Variants in LIPJ observed in about 807,000 individuals in gnomAD.
LIPJ encodes lipase member J.
A neutral mutation model predicts 39.8 loss-of-function variants in LIPJ; 33 were observed. The observed-to-expected ratio is 0.83, with a 90% CI of 0.63 to 1.11. The LOEUF (loss-of-function observed/expected upper bound fraction) is 1.11. Among genes scored for constraint, LIPJ ranks in the 50% least tolerant of loss-of-function variants. The pLI is 0.00. For synonymous variants in LIPJ, 128 were observed against 139.2 expected (o/e 0.92, Z 0.57); for missense variants, 422 against 427.9 (o/e 0.99, Z 0.12).
the LIPJ span, among the ~76,000 whole-genome samples, chr10:88,617,944 A>G: frequency 1.3e-5 from 2 of 152,210 alleles, no homozygotes; most frequent in African/African-American, 4.8e-5. Context: ...TCAATGGACT[A>G]TTGCTAACTC....
At position 88,596,265 on chromosome 10, in the gene LIPJ, C is replaced by A; in HGVS notation, c.440-15C>A. On this transcript the variant is annotated splice_polypyrimidine_tract_variant and intron_variant, in intron 6 of 10. Transcript: ENST00000371939. ...TTAAGAATAGCTTACTAATTTATAT[C>A]TTATTTTATTTTAGGTTTCATAACA... The A allele has an allele frequency of 7.6e-7, 1 of 1,310,436 alleles. No individual in the cohort carries two copies. The highest frequency in any genetic ancestry group is 1.0e-6 in the Non-Finnish European group (1 of 996,058). The allele number at this position is 1,310,436 out of a possible 1,614,324, so 81.2% of individuals were successfully genotyped here.
intron 4 of LIPJ, chr10:88,592,018 T>C (rs1372049453): frequency 6.6e-6 from 1 of 151,944 alleles, no homozygotes; most frequent in Non-Finnish European, 1.5e-5. Flanking sequence ...TGCCACTTAC[T>C]AGTAGAATAT....
chr10:88,593,925 C>A, intron 4 of LIPJ, 21 bp from the exon 5 acceptor site: 2 of 1,582,988 alleles, frequency 1.3e-6, no homozygotes, highest in Non-Finnish European at 8.6e-7. Flanking sequence ...TTATAAAGAA[C>A]TTTCTACATT....
chr10:88,583,368 C>G, upstream of LIPJ: 1 of 1,394,866 alleles, frequency 7.2e-7, no homozygotes, highest in Non-Finnish European at 9.3e-7. Flanking sequence ...GCGGCCGGAG[C>G]TGAGAGGCCC....
At chr10:88,617,909 T>A in the LIPJ span, among the ~76,000 whole-genome samples, 2 of 152,230 alleles carry the variant, frequency 1.3e-5, no homozygotes, top group African/African-American at 4.8e-5. Flanking sequence ...AAATGAAAGC[T>A]ACTTTGGAAT....
chr10:88,602,265 T>C (rs1851511209), intron 8 of LIPJ, among the ~76,000 whole-genome samples: 1 of 152,156 alleles, frequency 6.6e-6, no homozygotes, highest in African/African-American at 2.4e-5. Context: ...TCTTGTTAGT[T>C]CTTTAATGCT....
downstream of LIPJ, among the ~76,000 whole-genome samples, chr10:88,609,857 C>CCA (rs1236445350): frequency 6.7e-6 from 1 of 148,426 alleles, no homozygotes; most frequent in Non-Finnish European, 1.5e-5. Context: ...CGAGATCATG[C>CCA]CACTGCACTC....
chr10:88,613,800 A>ATATATATATGTG, the LIPJ span, among the ~76,000 whole-genome samples: 136 of 74,146 alleles, frequency 1.8e-3, 3 homozygotes, highest in East Asian at 0.012. Flanking sequence ...ATATATATAT[A>ATATATATATGTG]TGTGTGTGTG....
intron 8 of LIPJ, among the ~76,000 whole-genome samples, chr10:88,598,081 T>C (rs1157275995): frequency 1.3e-5 from 2 of 152,010 alleles, no homozygotes; most frequent in Admixed American, 6.6e-5. Context: ...TGTGTCTTAA[T>C]TTAGCTGAAA....
intron 2 of LIPJ, among the ~76,000 whole-genome samples, chr10:88,590,176 C>G (rs1033430576): frequency 6.6e-6 from 1 of 151,684 alleles, no homozygotes; most frequent in African/African-American, 2.4e-5. Context: ...TCTCCCCGTT[C>G]TTTCCCCTCC....
chr10:88,587,094 T>A (rs1850936673), intron 1 of LIPJ, 172 bp from the exon 2 acceptor site: 1 of 152,102 alleles, frequency 6.6e-6, no homozygotes, highest in African/African-American at 2.4e-5. Context: ...AATTGCTTTT[T>A]AATGGACACT....
exon 4 of LIPJ, chr10:88,591,461 A>C (rs1196393280): frequency 4.4e-6 from 7 of 1,602,738 alleles, no homozygotes; most frequent in Non-Finnish European, 5.1e-6. Flanking sequence ...GCCTTTATAG[A>C]ATTCCTTATT....
intron 8 of LIPJ, among the ~76,000 whole-genome samples, chr10:88,599,008 A>ATTATAATAAT (rs1851368131): frequency 7.0e-6 from 1 of 142,778 alleles, no homozygotes; most frequent in African/African-American, 2.6e-5. Flanking sequence ...ATTATATTAT[A>ATTATAATAAT]ATAATATATT....
intron 8 of LIPJ, among the ~76,000 whole-genome samples, chr10:88,600,916 A>C (rs183599104): frequency 6.6e-6 from 1 of 152,228 alleles, no homozygotes; most frequent in Admixed American, 6.5e-5. Context: ...AGCAAAAGGG[A>C]GCCAAACTCA....
chr10:88,610,731 C>T (rs1023334992), downstream of LIPJ, among the ~76,000 whole-genome samples: 1 of 152,124 alleles, frequency 6.6e-6, no homozygotes, highest in Admixed American at 6.5e-5. Context: ...CTAGACCACA[C>T]CTATGTAGTC....
chr10:88,599,035 T>G, intron 8 of LIPJ, among the ~76,000 whole-genome samples: 1 of 147,556 alleles, frequency 6.8e-6, no homozygotes, highest in Non-Finnish European at 1.5e-5. Flanking sequence ...ATTTAATATA[T>G]AGAGGACATG....
the LIPJ span, among the ~76,000 whole-genome samples, chr10:88,616,787 G>A: frequency 3.3e-5 from 5 of 152,178 alleles, no homozygotes; most frequent in Admixed American, 3.3e-4. Context: ...CTGCTTCCTG[G>A]GGCTTTGCCA....
At chr10:88,607,370 G>A (rs899214838), downstream of LIPJ, among the ~76,000 whole-genome samples, 3 of 152,142 alleles carry the variant, frequency 2.0e-5, no homozygotes, top group Admixed American at 6.5e-5. Context: ...GAGCCTGGAT[G>A]CCAATGTAAT....
At chr10:88,606,507 C>G (rs1325424808) in intron 10 of LIPJ, among the ~76,000 whole-genome samples, 167 bp from the exon 11 acceptor site, 2 of 152,108 alleles carry the variant, frequency 1.3e-5, no homozygotes, top group Admixed American at 1.3e-4. Context: ...CTTGTAATCC[C>G]TATTCATACT....
Sources: gnomAD v4.1 joint callset for allele counts (sites outside exome capture counted in the v4.1 genomes callset) on GRCh38, gnomAD v4.1.1 for gene constraint, MANE v1.5 for transcripts, NCBI Gene and HGNC (gene_info 2026-07-23, HGNC 2026-07-21) for gene names.